MTOR: variants seen among roughly 807,000 people sequenced by gnomAD.
MTOR encodes mechanistic target of rapamycin kinase, also known as serine/threonine-protein kinase mTOR.
In MTOR, 70 loss-of-function variants were observed where a neutral mutation model predicts 319.8. That is an observed-to-expected ratio of 0.22 (90% CI 0.18 to 0.27). MTOR has a LOEUF of 0.27. Ranked by LOEUF, MTOR falls within the 10% of genes least tolerant of loss-of-function variation. The probability of loss-of-function intolerance (pLI) is 1.00; values close to 1 mark genes in which losing one functional copy is unlikely to be tolerated. For missense variants in MTOR, 1,890 were observed against 3,274.4 expected, an observed-to-expected ratio of 0.58 and a Z score of 10.32; for synonymous variants, 1,183 against 1,211.4, an observed-to-expected ratio of 0.98 and a Z score of 0.49.
chr1:11,237,389 C>T (rs887735528), intron 13 of MTOR, among the ~76,000 whole-genome samples: 7 of 152,106 alleles, frequency 4.6e-5, no homozygotes, highest in African/African-American at 1.7e-4. Context: ...GGAGCAATGA[C>T]TATTAGAACA....
chr1:11,171,721 A>G (rs1019419753), intron 28 of MTOR, among the ~76,000 whole-genome samples: 1 of 152,092 alleles, frequency 6.6e-6, no homozygotes, highest in Non-Finnish European at 1.5e-5. Flanking sequence ...ATGTAAAAAC[A>G]TATGGCCTTA....
chr1:11,194,561 T>C, intron 28 of MTOR: 3 of 1,614,078 alleles, frequency 1.9e-6, no homozygotes, highest in Non-Finnish European at 2.5e-6. Context: ...ACTGGCAATG[T>C]GGGGAACGAC....
Position 11,256,016 on chromosome 1 carries a change from C to T in MTOR, c.681G>A (p.Glu227=). Residue 227 remains glutamate, a synonymous_variant, in exon 5 of 58, where the codon GAG becomes GAA. Transcript: ENST00000361445. ...LILTTQREPK[E]MQKPQWYRHT... ...CCCTGTACCACTGAGGCTTCTGCAT[C>T]TCCTTCGGCTCACGCTGGGTTGTGA... 1.2e-6 allele frequency: 2 copies of T among 1,614,158 alleles called. No homozygotes were observed. The highest frequency in any genetic ancestry group is 1.7e-6 in the Non-Finnish European group (2 of 1,180,036).
In MTOR at chr1:11,124,408, G is replaced by C. The variant is rs1055604538; in HGVS notation, c.6662+90C>G. The C allele has an allele frequency of 2.0e-6, 3 of 1,476,958 alleles. No individual in the cohort carries two copies. The African/African-American group carries it at 4.2e-5, about 21-fold the overall frequency. The allele number at this position is 1,476,958 out of a possible 1,614,324, so 91.5% of individuals were successfully genotyped here. On this transcript the variant is annotated intron_variant, in intron 47 of 57. Coordinates refer to ENST00000361445, the MANE Select transcript of MTOR (RefSeq NM_004958.4). ...TGGCTCCCTAATTTTATAGTTTTTT[G>C]TTAAGATATAATACATGACTACACG... is the stretch of plus-strand genomic sequence containing the variant.
chr1:11,250,639 C>G (rs550273154), intron 6 of MTOR, among the ~76,000 whole-genome samples: 10 of 152,240 alleles, frequency 6.6e-5, no homozygotes, highest in African/African-American at 2.4e-4. Flanking sequence ...CACCCAGTCT[C>G]ATGATGAAAT....
At chr1:11,202,211 C>T (rs375669407) in intron 26 of MTOR, among the ~76,000 whole-genome samples, 4 of 151,940 alleles carry the variant, frequency 2.6e-5, no homozygotes, top group Admixed American at 2.0e-4. Context: ...GGGCAGATTG[C>T]GAGGTCAGGA....
chr1:11,259,356 A>G lies in MTOR; in HGVS notation c.54T>C (p.Asn18=), dbSNP rs766795299. The G allele has an allele frequency of 2.4e-5, 38 of 1,608,314 alleles. No homozygotes were observed. Among genetic ancestry groups the G allele is most frequent in the Non-Finnish European group, 3.1e-5 (36 of 1,178,134 alleles). ...TGGCAAACTGCTGCAGGACGCTCAC[A>G]TTGCTAGATGTGGTGGCAGCGGTGG... ...AATTAATTSS[N]VSVLQQFASG... The change falls in exon 2 of 58, where the codon AAT becomes AAC. Residue 18 remains asparagine, a synonymous_variant. Coordinates refer to ENST00000361445, the MANE Select transcript of MTOR (RefSeq NM_004958.4).
chr1:11,195,892 C>T (rs947381191), intron 28 of MTOR: 4 of 152,224 alleles, frequency 2.6e-5, no homozygotes, highest in African/African-American at 9.7e-5. Context: ...TGTAAATAAG[C>T]ATCTCACTTT....
chr1:11,172,018 A>C (rs1644829717), intron 28 of MTOR, among the ~76,000 whole-genome samples: 1 of 151,438 alleles, frequency 6.6e-6, no homozygotes, highest in South Asian at 2.1e-4. Context: ...CAACAAGAGC[A>C]AAACTCCATC....
intron 13 of MTOR, among the ~76,000 whole-genome samples, chr1:11,236,884 G>A (rs1156910593): frequency 6.6e-6 from 1 of 152,084 alleles, no homozygotes; most frequent in Admixed American, 6.5e-5. Context: ...CACTTCTAAC[G>A]CAGGCCGGCA....
At chr1:11,138,266 A>G (rs189494835) in intron 36 of MTOR, among the ~76,000 whole-genome samples, 6 of 152,350 alleles carry the variant, frequency 3.9e-5, no homozygotes, top group Admixed American at 2.6e-4. Flanking sequence ...TTGAATCAGA[A>G]ATGCTCTGGC....
At chr1:11,255,509 C>T (rs184904490) in intron 5 of MTOR, among the ~76,000 whole-genome samples, 1 of 151,462 alleles carries the variant, frequency 6.6e-6, no homozygotes, top group Admixed American at 6.6e-5. Flanking sequence ...TAGATGTTTG[C>T]TTTAATAAAA....
chr1:11,223,555 T>C (rs1173737886), intron 19 of MTOR, among the ~76,000 whole-genome samples: 2 of 152,134 alleles, frequency 1.3e-5, no homozygotes, highest in Admixed American at 6.5e-5. Flanking sequence ...TCTAATATAA[T>C]AGGTTGTCTA....
chr1:11,240,303 C>A lies in MTOR; in HGVS notation c.1786G>T (p.Gly596Cys). 1 of 1,550,314 alleles carries A rather than the reference C, an allele frequency of 6.5e-7. No homozygotes were observed. Among genetic ancestry groups the A allele is most frequent in the Admixed American group, 2.0e-5 (1 of 48,798 alleles). Residue 596 changes from glycine to cysteine, a missense_variant and splice_region_variant, in exon 11 of 58, where the codon GGC becomes TGC. This residue lies in a region of MTOR where 418 missense variants were observed against 543.1 expected (regional missense o/e 0.77). Coordinates refer to ENST00000361445, the MANE Select transcript of MTOR (RefSeq NM_004958.4). ...GGCAAGAGCCGTTGTAATTTCTTAC[C>A]TTCAAATTCAAAGCTGCCAAGCGTT... ...LRTLGSFEFE[G>C]HSLTQFVRHC...
At chr1:11,180,563 G>A (rs1249448944) in intron 28 of MTOR, among the ~76,000 whole-genome samples, 1 of 152,176 alleles carries the variant, frequency 6.6e-6, no homozygotes, top group Non-Finnish European at 1.5e-5. Flanking sequence ...GGGTGGAGAT[G>A]TCTAACCCAA....
At chr1:11,148,421 G>A (rs1373496034) in intron 31 of MTOR, among the ~76,000 whole-genome samples, 1 of 152,118 alleles carries the variant, frequency 6.6e-6, no homozygotes, top group East Asian at 1.9e-4. Flanking sequence ...AAAACCCTCT[G>A]CATTTCCTGA....
At chr1:11,182,092 C>T (rs537126553) in intron 28 of MTOR, among the ~76,000 whole-genome samples, 6 of 152,220 alleles carry the variant, frequency 3.9e-5, no homozygotes, top group African/African-American at 1.2e-4. Flanking sequence ...CAGTGCATGA[C>T]TGTAATCCCA....
Position 11,127,886 on chromosome 1 carries a change from C to T in MTOR, c.6034-80G>A. On this transcript the variant is annotated intron_variant, in intron 43 of 57. Transcript: ENST00000361445. The surrounding 1 kb of genome is among the most constrained non-coding windows in gnomAD (Gnocchi z 5.5). ...GTCTGTTTTGGAGACACAGGAGGTA[C>T]TATTTCCAGCAGTCAGAGGAAGTGC... The T allele has an allele frequency of 1.3e-6, 2 of 1,577,890 alleles. No homozygotes were observed. Among genetic ancestry groups the T allele is most frequent in the Non-Finnish European group, 1.7e-6 (2 of 1,162,594 alleles).
chr1:11,139,003 G>A lies in MTOR; in HGVS notation c.5130+301C>T, dbSNP rs562418505. 5.5e-5 allele frequency: 18 copies of A among 326,936 alleles called. No individual in the cohort carries two copies. In the South Asian group the frequency reaches 1.3e-3, roughly 24 times the overall value. The allele number at this position is 326,936 out of a possible 1,614,324, so 20.3% of individuals were successfully genotyped here. On this transcript the variant is annotated intron_variant, in intron 36 of 57. Coordinates refer to ENST00000361445, the MANE Select transcript of MTOR (RefSeq NM_004958.4). Reference sequence around the variant, plus strand: ...AATCTGCTCTTTTTTGTACCAAACAGTCCATCTTCTCTTAGGGGTAGAAAG... The same window carrying A: ...AATCTGCTCTTTTTTGTACCAAACAATCCATCTTCTCTTAGGGGTAGAAAG...
Sources: allele counts gnomAD v4.1 joint callset (sites outside exome capture counted in the v4.1 genomes callset), GRCh38; gene constraint gnomAD v4.1.1; regional missense constraint gnomAD v4.1.1; non-coding constraint Gnocchi (gnomAD v3.1); transcripts MANE v1.5; gene names NCBI Gene and HGNC (gene_info 2026-07-23, HGNC 2026-07-21).